Variants in DYNC1I1 observed in about 807,000 individuals in gnomAD.
The protein encoded by DYNC1I1 is dynein cytoplasmic 1 intermediate chain 1.
In DYNC1I1, 43 loss-of-function variants were observed where a neutral mutation model predicts 86.6. The observed-to-expected ratio is 0.50, with a 90% CI of 0.39 to 0.64. The LOEUF (loss-of-function observed/expected upper bound fraction) is 0.64. Among genes scored for constraint, DYNC1I1 ranks in the 30% least tolerant of loss-of-function variants. DYNC1I1 has a pLI of 0.00. For missense variants in DYNC1I1, 604 were observed against 788.8 expected (o/e 0.77, Z 2.81); for synonymous variants, 262 against 283.7 (o/e 0.92, Z 0.77).
chr7:95,857,594 G>C (rs1789759229), intron 5 of DYNC1I1, among the ~76,000 whole-genome samples: 1 of 152,138 alleles, frequency 6.6e-6, no homozygotes, highest in South Asian at 2.1e-4. Flanking sequence ...GTTTCAATTT[G>C]TAGCCTGCAA....
chr7:96,050,973 A>T (rs1467332076), intron 14 of DYNC1I1, among the ~76,000 whole-genome samples: 2 of 152,180 alleles, frequency 1.3e-5, no homozygotes, highest in Non-Finnish European at 2.9e-5. Context: ...TAGCACATTA[A>T]ATTTCCTGTC....
intron 6 of DYNC1I1, among the ~76,000 whole-genome samples, chr7:95,886,785 A>G (rs1381803488): frequency 6.6e-6 from 1 of 152,254 alleles, no homozygotes; most frequent in African/African-American, 2.4e-5. Context: ...TTTCAGTTTT[A>G]TCTGGAGAAC....
intron 6 of DYNC1I1, among the ~76,000 whole-genome samples, chr7:95,879,127 A>G (rs1280136805): frequency 6.6e-6 from 1 of 152,218 alleles, no homozygotes; most frequent in Non-Finnish European, 1.5e-5. Flanking sequence ...GACCCCAGAG[A>G]GTAATTCAAA....
At chr7:95,792,688 T>TA (rs145881313) in intron 1 of DYNC1I1, among the ~76,000 whole-genome samples, 4,860 of 152,278 alleles carry the variant, frequency 0.032, 248 homozygotes, top group African/African-American at 0.11. Context: ...TTTCTCCTTC[T>TA]AATCTGTCTT....
At chr7:96,063,300 A>G (rs1340878908) in intron 14 of DYNC1I1, among the ~76,000 whole-genome samples, 1 of 152,056 alleles carries the variant, frequency 6.6e-6, no homozygotes, top group Non-Finnish European at 1.5e-5. Flanking sequence ...TGTTGGGGGA[A>G]TTACATAAGT....
intron 10 of DYNC1I1, among the ~76,000 whole-genome samples, chr7:96,009,733 T>G (rs1189284879): frequency 6.6e-6 from 1 of 152,042 alleles, no homozygotes; most frequent in East Asian, 1.9e-4. Context: ...TAATTATATT[T>G]CAAGTTTGAA....
chr7:95,861,356 G>C (rs926906534), intron 5 of DYNC1I1, among the ~76,000 whole-genome samples: 1 of 152,150 alleles, frequency 6.6e-6, no homozygotes, highest in African/African-American at 2.4e-5. Flanking sequence ...CTTGGTACAC[G>C]TTCTTGCATT....
rs143548628 is a variant in DYNC1I1, at chr7:95,946,505, C to G, written c.491-31007C>G. Among the ~76,000 whole-genome samples the G allele has an allele frequency of 3.5e-3, 530 of 152,270 alleles. 2 individuals carry two copies. Among genetic ancestry groups the G allele is most frequent in the African/African-American group, 0.012 (503 of 41,538 alleles). Reference sequence around the variant, plus strand: ...TCCTCCACAAAAATCTTCATCAGCACCCTAGAAAGAGGTGTGATTCTTTTC... The same window carrying G: ...TCCTCCACAAAAATCTTCATCAGCAGCCTAGAAAGAGGTGTGATTCTTTTC... On this transcript the variant is annotated intron_variant, in intron 6 of 16. Coordinates refer to ENST00000447467, the MANE Select transcript of DYNC1I1 (RefSeq NM_001135556.2).
chr7:96,106,870 C>A (rs1055230017), intron 16 of DYNC1I1, among the ~76,000 whole-genome samples: 2 of 152,092 alleles, frequency 1.3e-5, no homozygotes, highest in Non-Finnish European at 2.9e-5. Flanking sequence ...ATATTCCATG[C>A]GTACTTAAAT....
intron 4 of DYNC1I1, among the ~76,000 whole-genome samples, chr7:95,816,705 A>G (rs1227282066): frequency 6.6e-6 from 1 of 152,202 alleles, no homozygotes. Context: ...TTAAGAGGAT[A>G]CTATGCTATG....
chr7:95,899,183 T>C (rs1474228601), intron 6 of DYNC1I1, among the ~76,000 whole-genome samples: 1 of 152,184 alleles, frequency 6.6e-6, no homozygotes, highest in Non-Finnish European at 1.5e-5. Context: ...TGATATTTAT[T>C]AAGTGAATGA....
intron 10 of DYNC1I1, among the ~76,000 whole-genome samples, chr7:96,020,666 A>G (rs1000557702): frequency 1.6e-4 from 25 of 152,300 alleles, no homozygotes; most frequent in African/African-American, 5.5e-4. Context: ...TATGTACCCA[A>G]AATAATTGAA....
At chr7:96,077,277 G>GTGTGTGTGT (rs1562996241) in intron 15 of DYNC1I1, among the ~76,000 whole-genome samples, 1 of 149,994 alleles carries the variant, frequency 6.7e-6, no homozygotes, top group African/African-American at 2.5e-5. Context: ...GTGTGTGTGT[G>GTGTGTGTGT]GGAGGGGGCA....
chr7:96,008,612 A>G (rs886927751), intron 10 of DYNC1I1, among the ~76,000 whole-genome samples: 1 of 152,214 alleles, frequency 6.6e-6, no homozygotes, highest in Non-Finnish European at 1.5e-5. Context: ...ACTAACTGTC[A>G]AAGTCAGTGT....
chr7:95,998,437 A>G (rs1176303278), intron 10 of DYNC1I1, among the ~76,000 whole-genome samples: 1 of 152,248 alleles, frequency 6.6e-6, no homozygotes, highest in Non-Finnish European at 1.5e-5. Flanking sequence ...ATGGAAATTT[A>G]GAGATCCCAC....
intron 6 of DYNC1I1, among the ~76,000 whole-genome samples, chr7:95,966,117 A>C (rs1436599693): frequency 2.6e-5 from 4 of 152,174 alleles, no homozygotes; most frequent in Non-Finnish European, 4.4e-5. Flanking sequence ...AGAGGAGTCT[A>C]CTTCTATAAT....
At chr7:96,023,776 G>A (rs1326876711) in intron 10 of DYNC1I1, among the ~76,000 whole-genome samples, 4 of 152,096 alleles carry the variant, frequency 2.6e-5, no homozygotes, top group African/African-American at 7.2e-5. Flanking sequence ...TTGCAGGGGT[G>A]GCCAGTAACT....
intron 14 of DYNC1I1, among the ~76,000 whole-genome samples, chr7:96,072,179 C>T (rs1204904868): frequency 6.6e-6 from 1 of 152,210 alleles, no homozygotes; most frequent in East Asian, 1.9e-4. Flanking sequence ...TCATGTCTGC[C>T]TGGGAGGTGA....
chr7:95,975,102 G>A (rs960404370), intron 6 of DYNC1I1, among the ~76,000 whole-genome samples: 1 of 152,068 alleles, frequency 6.6e-6, no homozygotes, highest in African/African-American at 2.4e-5. Context: ...TGGGCTAATG[G>A]TACTAAGTTC....
Sources: allele counts gnomAD v4.1 joint callset (sites outside exome capture counted in the v4.1 genomes callset), GRCh38; gene constraint gnomAD v4.1.1; transcripts MANE v1.5; gene names NCBI Gene and HGNC (gene_info 2026-07-23, HGNC 2026-07-21).